PDZRN4: variants seen among roughly 807,000 people sequenced by gnomAD.
PDZRN4 encodes PDZ domain containing ring finger 4.
Under a neutral mutation model 99.0 loss-of-function variants are expected in PDZRN4, and 70 were observed. That is an observed-to-expected ratio of 0.71 (90% CI 0.58 to 0.86). The LOEUF (loss-of-function observed/expected upper bound fraction) is 0.86. Among genes scored for constraint, PDZRN4 ranks in the 40% least tolerant of loss-of-function variants. PDZRN4 has a pLI of 0.00. For missense variants in PDZRN4, 1,474 were observed against 1,331.2 expected (o/e 1.11, Z -1.67); for synonymous variants, 551 against 501.6 (o/e 1.10, Z -1.32).
chr12:41,516,453 G>A (rs562842218), intron 5 of PDZRN4, among the ~76,000 whole-genome samples: 1 of 152,186 alleles, frequency 6.6e-6, no homozygotes, highest in East Asian at 1.9e-4. Context: ...GAAGAAGGCT[G>A]ATGGAGAATA....
intron 8 of PDZRN4, 51 bp from the exon 9 acceptor site, chr12:41,567,732 A>T: frequency 1.7e-6 from 2 of 1,193,266 alleles, no homozygotes; most frequent in Non-Finnish European, 2.4e-6. Context: ...ACTCTATTTT[A>T]ACATGAGTTC....
intron 3 of PDZRN4, among the ~76,000 whole-genome samples, chr12:41,378,962 G>C (rs767646778): frequency 1.2e-4 from 18 of 152,182 alleles, no homozygotes; most frequent in Non-Finnish European, 5.9e-5. Flanking sequence ...CACATGTGTA[G>C]TAATCTATAG....
intron 3 of PDZRN4, among the ~76,000 whole-genome samples, chr12:41,223,302 G>T (rs1178609736): frequency 6.6e-6 from 1 of 152,086 alleles, no homozygotes; most frequent in Non-Finnish European, 1.5e-5. Flanking sequence ...TTAAAGAAAA[G>T]ATTAGTCTTG....
At chr12:41,304,057 T>G (rs1033721567) in intron 3 of PDZRN4, among the ~76,000 whole-genome samples, 1 of 152,076 alleles carries the variant, frequency 6.6e-6, no homozygotes, top group African/African-American at 2.4e-5. Context: ...GGTCAGAAAA[T>G]CCTTCACAAA....
At chr12:41,231,526 A>G (rs1433036595) in intron 3 of PDZRN4, among the ~76,000 whole-genome samples, 2 of 152,056 alleles carry the variant, frequency 1.3e-5, no homozygotes, top group African/African-American at 4.8e-5. Flanking sequence ...TGGAGGTATG[A>G]TTATTCCAGA....
At chr12:41,242,336 G>A (rs909520789) in intron 3 of PDZRN4, among the ~76,000 whole-genome samples, 1 of 152,128 alleles carries the variant, frequency 6.6e-6, no homozygotes, top group African/African-American at 2.4e-5. Context: ...AATTTCAAAT[G>A]TGATTTGAGA....
chr12:41,376,614 T>C (rs562207315), intron 3 of PDZRN4, among the ~76,000 whole-genome samples: 1 of 152,196 alleles, frequency 6.6e-6, no homozygotes, highest in South Asian at 2.1e-4. Context: ...GAGTTTCTAA[T>C]ATAGTTTTAT....
At chr12:41,564,203 G>A (rs1433860438) in intron 8 of PDZRN4, among the ~76,000 whole-genome samples, 1 of 152,176 alleles carries the variant, frequency 6.6e-6, no homozygotes, top group Non-Finnish European at 1.5e-5. Context: ...AGAATGTCTT[G>A]TATAGCATGA....
intron 5 of PDZRN4, among the ~76,000 whole-genome samples, chr12:41,539,519 T>C (rs1309416319): frequency 1.3e-5 from 2 of 152,092 alleles, no homozygotes; most frequent in Non-Finnish European, 2.9e-5. Flanking sequence ...TCTTGTACCT[T>C]TTCCTGTTAT....
intron 3 of PDZRN4, among the ~76,000 whole-genome samples, chr12:41,319,897 A>T (rs990167811): frequency 6.6e-6 from 1 of 152,098 alleles, no homozygotes; most frequent in African/African-American, 2.4e-5. Context: ...TGGTAGCCCT[A>T]CCCTTTTCTG....
At chr12:41,282,955 TTAAAACAAC>T (rs1951398552) in intron 3 of PDZRN4, among the ~76,000 whole-genome samples, 1 of 152,000 alleles carries the variant, frequency 6.6e-6, no homozygotes, top group Non-Finnish European at 1.5e-5. Flanking sequence ...AACATAGCAA[TTAAAACAAC>T]TAGAGAAGCA....
chr12:41,458,606 T>A (rs962895460), intron 3 of PDZRN4, among the ~76,000 whole-genome samples: 1 of 152,216 alleles, frequency 6.6e-6, no homozygotes, highest in African/African-American at 2.4e-5. Flanking sequence ...TATAGCCATT[T>A]TTTTGCCAGA....
chr12:41,292,882 A>G (rs954908914), intron 3 of PDZRN4, among the ~76,000 whole-genome samples: 1 of 151,978 alleles, frequency 6.6e-6, no homozygotes, highest in Non-Finnish European at 1.5e-5. Context: ...AAACAACTCC[A>G]AATCCTCACT....
At chr12:41,297,565 A>G (rs947135159) in intron 3 of PDZRN4, among the ~76,000 whole-genome samples, 4 of 152,182 alleles carry the variant, frequency 2.6e-5, no homozygotes, top group Non-Finnish European at 5.9e-5. Flanking sequence ...GCAGACAGTA[A>G]ACTAGTGCTG....
At chr12:41,244,815 G>A (rs576054096) in intron 3 of PDZRN4, among the ~76,000 whole-genome samples, 3 of 148,846 alleles carry the variant, frequency 2.0e-5, no homozygotes, top group Non-Finnish European at 3.0e-5. Flanking sequence ...CTCCCGAGTA[G>A]CTGGGACTAC....
At chr12:41,302,562 T>A (rs1951542955) in intron 3 of PDZRN4, among the ~76,000 whole-genome samples, 1 of 152,124 alleles carries the variant, frequency 6.6e-6, no homozygotes, top group Non-Finnish European at 1.5e-5. Flanking sequence ...CATAGACACT[T>A]AAATTGTTCT....
intron 5 of PDZRN4, among the ~76,000 whole-genome samples, chr12:41,510,328 C>T (rs1455887834): frequency 6.6e-6 from 1 of 152,018 alleles, no homozygotes; most frequent in Admixed American, 6.6e-5. Context: ...TTTGGAAATG[C>T]AATACTCTCT....
chr12:41,334,914 A>T (rs1027987903), intron 3 of PDZRN4, among the ~76,000 whole-genome samples: 1 of 152,062 alleles, frequency 6.6e-6, no homozygotes, highest in African/African-American at 2.4e-5. Flanking sequence ...AATATATGTG[A>T]GTCTTTCAAC....
At chr12:41,562,318 G>T (rs1416702440) in intron 7 of PDZRN4, among the ~76,000 whole-genome samples, 1 of 152,098 alleles carries the variant, frequency 6.6e-6, no homozygotes, top group Non-Finnish European at 1.5e-5. Context: ...CTTGTTTTCA[G>T]ATAATTATGT....
Sources: gnomAD v4.1 joint callset for allele counts (sites outside exome capture counted in the v4.1 genomes callset) on GRCh38, gnomAD v4.1.1 for gene constraint, MANE v1.5 for transcripts, NCBI Gene and HGNC (gene_info 2026-07-23, HGNC 2026-07-21) for gene names.